The following ASB13 variants were observed in gnomAD, a reference collection of about 807,000 sequenced individuals.
ASB13 encodes ankyrin repeat and SOCS box containing 13, also known as ankyrin repeat and SOCS box protein 13.
In ASB13, 33 loss-of-function variants were observed where a neutral mutation model predicts 28.8. That is an observed-to-expected ratio of 1.15 (90% CI 0.87 to 1.53). ASB13 has a LOEUF of 1.53. Among genes scored for constraint, ASB13 ranks in the 40% most tolerant of loss-of-function variants. The pLI is 0.00. For synonymous variants in ASB13, 182 were observed against 172.9 expected, an observed-to-expected ratio of 1.05 and a Z score of -0.41; for missense variants, 414 against 390.1, an observed-to-expected ratio of 1.06 and a Z score of -0.52.
rs1226209212 is a variant in ASB13, at chr10:5,655,058, C to T, written c.44-2008G>A. 5.9e-5 allele frequency among the ~76,000 whole-genome samples: 9 copies of T among 151,914 alleles called. No homozygotes were observed. The South Asian group carries it at 1.7e-3, about 28-fold the overall frequency. ...CGGAGGTTGCAGCGAGCCCAGATCA[C>T]GCCACTGCACCATAGCCTGGGCAAC... is the stretch of plus-strand genomic sequence containing the variant. On this transcript the variant is annotated intron_variant, in intron 1 of 5. Coordinates refer to ENST00000357700, the MANE Select transcript of ASB13 (RefSeq NM_024701.4). The surrounding 1 kb of genome is among the most constrained non-coding windows in gnomAD (Gnocchi z 6.2).
chr10:5,643,394 C>T (rs1834838077), intron 4 of ASB13, among the ~76,000 whole-genome samples: 1 of 152,166 alleles, frequency 6.6e-6, no homozygotes, highest in African/African-American at 2.4e-5. Context: ...ATGCTCATAA[C>T]AGCATTCGTG....
Position 5,650,849 on chromosome 10 carries a change from C to T in ASB13, c.382+364G>A, listed in dbSNP as rs756313133. On this transcript the variant is annotated intron_variant, in intron 3 of 5. Coordinates refer to ENST00000357700, the MANE Select transcript of ASB13 (RefSeq NM_024701.4). This position sits in a 1 kb window ranked among gnomAD's most constrained non-coding sequence, Gnocchi z 6.0. Reference sequence around the variant, plus strand: ...CCTCCTGGCCCAGGCTGTTGGGACACGTTTCTCTGTCGTCTCCCATCTCAA... The same window carrying T: ...CCTCCTGGCCCAGGCTGTTGGGACATGTTTCTCTGTCGTCTCCCATCTCAA... Among the ~76,000 whole-genome samples, 1 of 152,166 alleles carries T rather than the reference C, an allele frequency of 6.6e-6. No homozygotes were observed. Among genetic ancestry groups the T allele is most frequent in the Non-Finnish European group, 1.5e-5 (1 of 68,018 alleles).
rs1176361066 is a variant in ASB13, at chr10:5,664,890, CTT to C, written c.43+1617_43+1618del. On this transcript the variant is annotated intron_variant, in intron 1 of 5. Transcript: ENST00000357700. The surrounding 1 kb of genome is among the most constrained non-coding windows in gnomAD (Gnocchi z 4.2). ...ATTTATTTTGAGACAGAGTTTTGCT[CTT>C]GTCACCCAGGCTGGAGTGCAATGGC... 6.6e-6 allele frequency among the ~76,000 whole-genome samples: 1 copy of C among 150,886 alleles called. No individual in the cohort carries two copies. Among genetic ancestry groups the C allele is most frequent in the African/African-American group, 2.4e-5 (1 of 40,996 alleles).
rs1192291386 is a variant in ASB13 at position 5,649,556 on chromosome 10, C to T, written c.383-452G>A. On this transcript the variant is annotated intron_variant, in intron 3 of 5. Transcript: ENST00000357700. The surrounding 1 kb of genome is among the most constrained non-coding windows in gnomAD (Gnocchi z 6.4). ...TCTTTTTTTTTTTTAGACAAAGTCT[C>T]ATTCTGTTGCCCAGGATGGAATGCA... Among the ~76,000 whole-genome samples, 1 of 134,178 alleles carries T rather than the reference C, an allele frequency of 7.5e-6. No individual in the cohort carries two copies. The highest frequency in any genetic ancestry group is 1.7e-5 in the Non-Finnish European group (1 of 58,228). The allele number at this position is 134,178 out of a possible 152,430, so 88.0% of individuals were successfully genotyped here.
chr10:5,662,831 C>G lies in ASB13; in HGVS notation c.43+3678G>C, dbSNP rs536907577. Among the ~76,000 whole-genome samples the G allele has an allele frequency of 6.6e-5, 10 of 152,270 alleles. No homozygotes were observed. In the East Asian group the frequency reaches 1.5e-3, roughly 23 times the overall value. On this transcript the variant is annotated intron_variant, in intron 1 of 5. Transcript: ENST00000357700. ...TGACAACTAAAGACAGTGTACGTGA[C>G]AACCCCAGCACAAAGAGGGTGCCTA...
At position 5,666,497 on chromosome 10, in the gene ASB13, G is replaced by A; in HGVS notation, c.43+12C>T. 3 of 1,294,900 alleles carry A rather than the reference G, an allele frequency of 2.3e-6. No homozygotes were observed. Among genetic ancestry groups the A allele is most frequent in the South Asian group, 2.1e-5 (1 of 46,536 alleles). The allele number at this position is 1,294,900 out of a possible 1,614,324, so 80.2% of individuals were successfully genotyped here. A position where few individuals can be genotyped will look rare whatever the true frequency, so the allele number is the denominator to read the frequency against. ...GCTGCCTCGCTCTGACCTCCGCGGC[G>A]CCCGCACGTACCCACGTCGCCCAGG... is the stretch of plus-strand genomic sequence containing the variant. On this transcript the variant is annotated intron_variant, in intron 1 of 5. Coordinates refer to ENST00000357700, the MANE Select transcript of ASB13 (RefSeq NM_024701.4).
At chr10:5,648,777 G>A (rs1480166087) in intron 4 of ASB13, among the ~76,000 whole-genome samples, 193 bp downstream of exon 4, 2 of 148,080 alleles carry the variant, frequency 1.4e-5, no homozygotes, top group Non-Finnish European at 3.0e-5. Flanking sequence ...CACCCACTGG[G>A]GTAAACACCC....
intron 4 of ASB13, 26 bp downstream of exon 4, chr10:5,648,944 A>G: frequency 6.2e-7 from 1 of 1,611,474 alleles, no homozygotes; most frequent in Non-Finnish European, 8.5e-7. Flanking sequence ...TCAGGTAAAC[A>G]CCCGCTCGGG....
At chr10:5,646,513 C>T (rs1305631135) in intron 4 of ASB13, among the ~76,000 whole-genome samples, 3 of 152,186 alleles carry the variant, frequency 2.0e-5, no homozygotes, top group Non-Finnish European at 4.4e-5. Flanking sequence ...AGGCCGGAGG[C>T]TTAGGATGAA....
Position 5,658,324 on chromosome 10 carries a change from T to C in ASB13, c.44-5274A>G, listed in dbSNP as rs866433354. ...CCCATGCCTATAATCCCAGCTACTA[T>C]GGAGGCTAAGGCAGGAGAATCACTT... On this transcript the variant is annotated intron_variant, in intron 1 of 5. Coordinates refer to ENST00000357700, the MANE Select transcript of ASB13 (RefSeq NM_024701.4). The surrounding 1 kb of genome is among the most constrained non-coding windows in gnomAD (Gnocchi z 4.2). 6.6e-6 allele frequency among the ~76,000 whole-genome samples: 1 copy of C among 151,402 alleles called. No homozygotes were observed. Among genetic ancestry groups the C allele is most frequent in the Non-Finnish European group, 1.5e-5 (1 of 67,938 alleles).
In ASB13 at chr10:5,644,010, G is replaced by A. The variant is rs1477228486; in HGVS notation, c.518-2049C>T. 6.6e-6 allele frequency among the ~76,000 whole-genome samples: 1 copy of A among 152,160 alleles called. No homozygotes were observed. The highest frequency in any genetic ancestry group is 2.4e-5 in the African/African-American group (1 of 41,426). On this transcript the variant is annotated intron_variant, in intron 4 of 5. Coordinates refer to ENST00000357700, the MANE Select transcript of ASB13 (RefSeq NM_024701.4). The surrounding 1 kb of genome is among the most constrained non-coding windows in gnomAD (Gnocchi z 5.1). ...CAATGTACATCTTTTCAAAATGTGT[G>A]TTTGGCATCATTTGATTGGGTGGAA...
rs1298304639 is a variant in ASB13 at position 5,645,861 on chromosome 10, T to C, written c.517+3109A>G. 3.9e-5 allele frequency among the ~76,000 whole-genome samples: 6 copies of C among 152,184 alleles called. No individual in the cohort carries two copies. Among genetic ancestry groups the C allele is most frequent in the Non-Finnish European group, 1.5e-5 (1 of 68,032 alleles). ...AGAATCACTACTTTTTAAAAATCTG[T>C]TTGTGAGGACGTAGGGGATGCTGTT... On this transcript the variant is annotated intron_variant, in intron 4 of 5. Transcript: ENST00000357700. The surrounding 1 kb of genome is among the most constrained non-coding windows in gnomAD (Gnocchi z 5.4).
intron 1 of ASB13, among the ~76,000 whole-genome samples, chr10:5,662,628 G>GAAGAGAAGAGAAGAGAAGAGAA (rs1564223033): frequency 1.3e-5 from 2 of 148,902 alleles, no homozygotes; most frequent in African/African-American, 4.9e-5. Flanking sequence ...GAAGAGAAGA[G>GAAGAGAAGAGAAGAGAAGAGAA]AAGAGAAGAG....
intron 4 of ASB13, 49 bp downstream of exon 4, chr10:5,648,921 G>T: frequency 6.2e-7 from 1 of 1,604,890 alleles, no homozygotes; most frequent in South Asian, 1.1e-5. Context: ...CACCCGCTCG[G>T]GCAAACACCC....
In ASB13 at chr10:5,656,386, A is replaced by G. The variant is rs1025951608; in HGVS notation, c.44-3336T>C. On this transcript the variant is annotated intron_variant, in intron 1 of 5. Coordinates refer to ENST00000357700, the MANE Select transcript of ASB13 (RefSeq NM_024701.4). This position sits in a 1 kb window ranked among gnomAD's most constrained non-coding sequence, Gnocchi z 4.3. ...AACCCCATCTCTACTAAAAATACAA[A>G]GAATTAGCCGGCCGTGGTGGCACGT... Among the ~76,000 whole-genome samples the G allele has an allele frequency of 6.6e-6, 1 of 152,286 alleles. No homozygotes were observed. The highest frequency in any genetic ancestry group is 1.5e-5 in the Non-Finnish European group (1 of 68,022).
Position 5,645,946 on chromosome 10 carries a change from A to G in ASB13, c.517+3024T>C, listed in dbSNP as rs1834879981. Among the ~76,000 whole-genome samples the G allele has an allele frequency of 6.6e-6, 1 of 152,214 alleles. No individual in the cohort carries two copies. Among genetic ancestry groups the G allele is most frequent in the Non-Finnish European group, 1.5e-5 (1 of 68,040 alleles). On this transcript the variant is annotated intron_variant, in intron 4 of 5. Coordinates refer to ENST00000357700, the MANE Select transcript of ASB13 (RefSeq NM_024701.4). The surrounding 1 kb of genome is among the most constrained non-coding windows in gnomAD (Gnocchi z 5.4). ...CAATGAAAAAATGGTTTCTAAGAAG[A>G]AGATGATGATCCATCTGCTCTCACA... is the stretch of plus-strand genomic sequence containing the variant.
At chr10:5,662,532 A>AGTCG (rs1238318808) in intron 1 of ASB13, among the ~76,000 whole-genome samples, 1 of 17,596 alleles carries the variant, frequency 5.7e-5, no homozygotes, top group Non-Finnish European at 1.1e-4. Context: ...TCTGTCGAGA[A>AGTCG]GGGGGGGGGA....
intron 4 of ASB13, among the ~76,000 whole-genome samples, chr10:5,643,657 A>G (rs1834841809): frequency 6.6e-6 from 1 of 152,222 alleles, no homozygotes; most frequent in South Asian, 2.1e-4. Context: ...CCTCCAGTAT[A>G]ATGTTGCAAT....
intron 4 of ASB13, among the ~76,000 whole-genome samples, chr10:5,647,803 G>C (rs1293581665): frequency 6.6e-6 from 1 of 152,168 alleles, no homozygotes; most frequent in African/African-American, 2.4e-5. Context: ...CTCCAACCCT[G>C]GTCCCTCTGA....
Sources: gnomAD v4.1 joint callset for allele counts (sites outside exome capture counted in the v4.1 genomes callset) on GRCh38, gnomAD v4.1.1 for gene constraint, Gnocchi (gnomAD v3.1) non-coding constraint, MANE v1.5 for transcripts, NCBI Gene and HGNC (gene_info 2026-07-23, HGNC 2026-07-21) for gene names.